The following C1orf216 variants were observed in gnomAD, a reference collection of about 807,000 sequenced individuals.
C1orf216 encodes the protein chromosome 1 open reading frame 216, also known as UPF0500 protein C1orf216.
Under a neutral mutation model 16.4 loss-of-function variants are expected in C1orf216, and 18 were observed. The ratio of observed to expected loss-of-function variants is 1.10; its 90% CI spans 0.76 to 1.63. The LOEUF (loss-of-function observed/expected upper bound fraction) is 1.63. Among genes scored for constraint, C1orf216 ranks in the 40% most tolerant of loss-of-function variants. The pLI, the probability that C1orf216 is intolerant of heterozygous loss-of-function variation, is 0.00. For missense variants in C1orf216, 271 were observed against 297.6 expected (o/e 0.91, Z 0.66); for synonymous variants, 115 against 116.9 (o/e 0.98, Z 0.11).
At position 35,716,021 on chromosome 1, in the gene C1orf216, C is replaced by G; in HGVS notation, c.301G>C (p.Ala101Pro). The G allele has an allele frequency of 6.2e-7, 1 of 1,614,110 alleles. No homozygotes were observed. The highest frequency in any genetic ancestry group is 8.5e-7 in the Non-Finnish European group (1 of 1,180,038). Residue 101 changes from alanine to proline, a missense_variant, in exon 2 of 2, where the codon GCT becomes CCT. By Grantham distance (27) the Ala-to-Pro change is conservative (BLOSUM62 -1). Around this residue, in one of 3 missense-constraint regions of C1orf216, gnomAD observed 220 missense variants for 227.8 expected, o/e 0.97. Coordinates refer to ENST00000270815, the MANE Select transcript of C1orf216 (RefSeq NM_152374.2). ...PGAEPEKMGG[A>P]GTVCSPLEDN... is the part of the protein sequence containing the mutation. The stretch of plus-strand genomic sequence containing the variant: ...TCCAGAGGGGAGCAGACTGTGCCAG[C>G]ACCACCCATCTTCTCAGGCTCAGCC...
Position 35,715,648 on chromosome 1 carries a change from G to C in C1orf216, c.674C>G (p.Pro225Arg). Residue 225 changes from proline to arginine, a missense_variant, in exon 2 of 2, where the codon CCC (proline) becomes CGC (arginine). Pro to Arg is a moderately radical substitution (Grantham distance 103). Around this residue, in one of 3 missense-constraint regions of C1orf216, gnomAD observed 220 missense variants for 227.8 expected, o/e 0.97. Coordinates refer to ENST00000270815, the MANE Select transcript of C1orf216 (RefSeq NM_152374.2). The surrounding 1 kb of genome is among the most constrained non-coding windows in gnomAD (Gnocchi z 4.3). ...GGCACACCCTTAGGCCTGGTCCTGGGGCCTGGATGGTGCTGCCCTCTGCTG... is the reference window on the plus strand; with the variant it reads ...GGCACACCCTTAGGCCTGGTCCTGGCGCCTGGATGGTGCTGCCCTCTGCTG... ...CLQQRAAPSR[P>R]QDQA 6.2e-7 allele frequency: 1 copy of C among 1,613,458 alleles called. No homozygotes were observed. Among genetic ancestry groups the C allele is most frequent in the Non-Finnish European group, 8.5e-7 (1 of 1,179,610 alleles).
At chr1:35,718,516 G>GAA (rs1640987836) in intron 1 of C1orf216, among the ~76,000 whole-genome samples, 191 bp downstream of exon 1, 2 of 152,162 alleles carry the variant, frequency 1.3e-5, no homozygotes, top group Admixed American at 6.5e-5. Context: ...TGAGAACCCC[G>GAA]ACACGCCAGG....
In C1orf216 at chr1:35,715,808, A is replaced by G. The variant is rs564414390; in HGVS notation, c.514T>C (p.Leu172=). The part of the protein sequence containing the change: ...EQEKEKHHVH[L]VMYRRLALLQ... ...AGTGCCAGGCGACGGTACATCACCA[A>G]GTGCACGTGGTGCTTTTCCTTCTCC... is the stretch of plus-strand genomic sequence containing the variant. Residue 172 remains leucine, a synonymous_variant, in exon 2 of 2, where the codon TTG becomes CTG. Transcript: ENST00000270815. The surrounding 1 kb of genome is among the most constrained non-coding windows in gnomAD (Gnocchi z 4.3). 6.8e-6 allele frequency: 11 copies of G among 1,614,208 alleles called. No individual in the cohort carries two copies. The South Asian group carries it at 8.8e-5, about 13-fold the overall frequency.
rs1640934742 is a variant in C1orf216 at position 35,715,424 on chromosome 1, T to C, written c.*208A>G. On this transcript the variant is annotated 3_prime_UTR_variant, in exon 2 of 2. Coordinates refer to ENST00000270815, the MANE Select transcript of C1orf216 (RefSeq NM_152374.2). This position sits in a 1 kb window ranked among gnomAD's most constrained non-coding sequence, Gnocchi z 4.3. Reference sequence around the variant, plus strand: ...CTCACATATAGGTCTGCAGATAAATTAGCTGTGTGTACACATGTGCACACA... The same window carrying C: ...CTCACATATAGGTCTGCAGATAAATCAGCTGTGTGTACACATGTGCACACA... 1.7e-6 allele frequency: 1 copy of C among 599,318 alleles called. No homozygotes were observed. The highest frequency in any genetic ancestry group is 2.9e-6 in the Non-Finnish European group (1 of 341,944). 37.1% of individuals were successfully genotyped at this position (599,318 alleles called of 1,614,324 possible).
chr1:35,718,000 C>G (rs1255689794), intron 1 of C1orf216, among the ~76,000 whole-genome samples: 1 of 152,158 alleles, frequency 6.6e-6, no homozygotes, highest in Non-Finnish European at 1.5e-5. Context: ...TCCCCAGTGA[C>G]AAGCTTTTCT....
intron 1 of C1orf216, among the ~76,000 whole-genome samples, chr1:35,717,554 C>T (rs1046384042): frequency 6.6e-6 from 1 of 152,092 alleles, no homozygotes; most frequent in African/African-American, 2.4e-5. Context: ...TCTCTGAAGC[C>T]GTCTTGATAC....
In C1orf216 at chr1:35,714,710, G is replaced by A. The variant is rs1254637416; in HGVS notation, c.*922C>T. 6.6e-6 allele frequency: 1 copy of A among 152,314 alleles called. No individual in the cohort carries two copies. Among genetic ancestry groups the A allele is most frequent in the East Asian group, 1.9e-4 (1 of 5,198 alleles). 9.4% of individuals were successfully genotyped at this position (152,314 alleles called of 1,614,324 possible). On this transcript the variant is annotated 3_prime_UTR_variant, in exon 2 of 2. Coordinates refer to ENST00000270815, the MANE Select transcript of C1orf216 (RefSeq NM_152374.2). Reference sequence around the variant, plus strand: ...CCCATCTCCCATGTGCCCAAAGGCAGAGTTCAAGAGGGACAGTCCCCTATG... The same window carrying A: ...CCCATCTCCCATGTGCCCAAAGGCAAAGTTCAAGAGGGACAGTCCCCTATG...
In C1orf216 at chr1:35,714,296, G is replaced by T. The variant is rs965952781; in HGVS notation, c.*1336C>A. ...TGAAGGGCCATGCAGTGAAAGAAGG[G>T]GTTAAAATTCAGCATCCTAAGCATC... is the stretch of plus-strand genomic sequence containing the variant. On this transcript the variant is annotated 3_prime_UTR_variant, in exon 2 of 2. Coordinates refer to ENST00000270815, the MANE Select transcript of C1orf216 (RefSeq NM_152374.2). 1 of 152,182 alleles carries T rather than the reference G, an allele frequency of 6.6e-6. No individual in the cohort carries two copies. The highest frequency in any genetic ancestry group is 1.5e-5 in the Non-Finnish European group (1 of 68,046). 9.4% of individuals were successfully genotyped at this position (152,182 alleles called of 1,614,324 possible).
rs138142307 is a variant in C1orf216, at chr1:35,716,271, G to A, written c.51C>T (p.Asp17=). The change falls in exon 2 of 2, where the codon GAC becomes GAT. Residue 17 remains aspartate (D), a synonymous_variant. Transcript: ENST00000270815. ...CGGGCTGACATAATCCAGGAGGTGG[G>A]TCCCCCAGGAATTGGCCCCCCTCAG... ...GLAEGGQFLG[D]PPPGLCQPEL... The A allele has an allele frequency of 6.2e-7, 1 of 1,614,060 alleles. No homozygotes were observed. The highest frequency in any genetic ancestry group is 8.5e-7 in the Non-Finnish European group (1 of 1,179,994).
chr1:35,716,600 G>A (rs1473051089), intron 1 of C1orf216: 1 of 472,856 alleles, frequency 2.1e-6, no homozygotes, highest in Non-Finnish European at 3.8e-6. Flanking sequence ...CTCATTCTCT[G>A]CTGTAGCTTC....
At position 35,714,635 on chromosome 1, in the gene C1orf216, T is replaced by C. The variant is rs1324817931; in HGVS notation, c.*997A>G. On this transcript the variant is annotated 3_prime_UTR_variant, in exon 2 of 2. Transcript: ENST00000270815. ...TGTTTGGGAACTGGTATTTTAGAAT[T>C]CCCATTCTCCTATTCTTCACAGGGT... The C allele has an allele frequency of 1.3e-5, 2 of 152,244 alleles. No individual in the cohort carries two copies. Among genetic ancestry groups the C allele is most frequent in the Non-Finnish European group, 2.9e-5 (2 of 68,048 alleles). The allele number at this position is 152,244 out of a possible 1,614,324, so 9.4% of individuals were successfully genotyped here. A position where few individuals can be genotyped will look rare whatever the true frequency, so the allele number is the denominator to read the frequency against.
rs1640923289 is a variant in C1orf216, at chr1:35,714,687, C to T, written c.*945G>A. On this transcript the variant is annotated 3_prime_UTR_variant, in exon 2 of 2. Coordinates refer to ENST00000270815, the MANE Select transcript of C1orf216 (RefSeq NM_152374.2). ...CCACTGTTATCATCTTTCCTGTCCC[C>T]ATCTCCCATGTGCCCAAAGGCAGAG... The T allele has an allele frequency of 6.6e-6, 1 of 152,262 alleles. No individual in the cohort carries two copies. The highest frequency in any genetic ancestry group is 2.1e-4 in the South Asian group (1 of 4,836). The allele number at this position is 152,262 out of a possible 1,614,324, so 9.4% of individuals were successfully genotyped here. A position where few individuals can be genotyped will look rare whatever the true frequency, so the allele number is the denominator to read the frequency against.
Position 35,716,269 on chromosome 1 carries a change from G to A in C1orf216, c.53C>T (p.Pro18Leu). ...CTCGGGCTGACATAATCCAGGAGGT[G>A]GGTCCCCCAGGAATTGGCCCCCCTC... ...LAEGGQFLGDPPPGLCQPELQ... is the reference protein window; with the variant it reads ...LAEGGQFLGDLPPGLCQPELQ... Residue 18 changes from proline (P) to leucine (L), a missense_variant, in exon 2 of 2, where the codon CCA becomes CTA. Around this residue, in one of 3 missense-constraint regions of C1orf216, gnomAD observed 44 missense variants for 46.0 expected, o/e 0.96. Transcript: ENST00000270815. The A allele has an allele frequency of 6.2e-7, 1 of 1,614,194 alleles. No homozygotes were observed. The highest frequency in any genetic ancestry group is 1.1e-5 in the South Asian group (1 of 91,074).
chr1:35,718,507 G>A (rs1468778937), intron 1 of C1orf216, among the ~76,000 whole-genome samples, 200 bp downstream of exon 1: 3 of 152,172 alleles, frequency 2.0e-5, no homozygotes, highest in Admixed American at 6.5e-5. Flanking sequence ...ATAGTAAAAT[G>A]AGAACCCCGA....
chr1:35,716,528 G>T, intron 1 of C1orf216: 1 of 591,478 alleles, frequency 1.7e-6, no homozygotes, highest in Admixed American at 3.2e-5. Flanking sequence ...CCTGCAAAGG[G>T]TTTTTCCTCC....
chr1:35,718,072 G>A (rs557978285), intron 1 of C1orf216, among the ~76,000 whole-genome samples: 4 of 152,194 alleles, frequency 2.6e-5, no homozygotes, highest in African/African-American at 7.2e-5. Flanking sequence ...TGCGGTCCCC[G>A]TCCCTAGCTT....
intron 1 of C1orf216, among the ~76,000 whole-genome samples, chr1:35,718,147 T>G (rs556613064): frequency 6.6e-6 from 1 of 152,138 alleles, no homozygotes; most frequent in Non-Finnish European, 1.5e-5. Flanking sequence ...ATAACCTGCT[T>G]CTAACCAAAA....
rs3795501 is a variant in C1orf216 at position 35,715,371 on chromosome 1, C to T, written c.*261G>A. On this transcript the variant is annotated 3_prime_UTR_variant, in exon 2 of 2. Transcript: ENST00000270815. This position sits in a 1 kb window ranked among gnomAD's most constrained non-coding sequence, Gnocchi z 4.3. ...GAGTTCCTCATTCTTACATACTACA[C>T]ACACACACATATGTTCACTCTTACA... The T allele has an allele frequency of 0.09, 47,780 of 528,172 alleles. 10,037 individuals are homozygous for T. The highest frequency in any genetic ancestry group is 0.72 in the East Asian group (22,010 of 30,526). 32.7% of individuals were successfully genotyped at this position (528,172 alleles called of 1,614,324 possible).
At position 35,715,998 on chromosome 1, in the gene C1orf216, C is replaced by T. The variant is rs767388362; in HGVS notation, c.324G>A (p.Leu108=). 1 of 1,614,106 alleles carries T rather than the reference C, an allele frequency of 6.2e-7. No homozygotes were observed. The highest frequency in any genetic ancestry group is 1.1e-5 in the South Asian group (1 of 91,084). Residue 108 remains leucine, a synonymous_variant, in exon 2 of 2, where the codon CTG becomes CTA. Transcript: ENST00000270815. The surrounding 1 kb of genome is among the most constrained non-coding windows in gnomAD (Gnocchi z 4.3). ...MGGAGTVCSP[L]EDNGYASSSL... ...AACTGCTGGCATAGCCGTTGTCCTC[C>T]AGAGGGGAGCAGACTGTGCCAGCAC...
Sources: gnomAD v4.1 joint callset for allele counts (sites outside exome capture counted in the v4.1 genomes callset) on GRCh38, gnomAD v4.1.1 for gene constraint, gnomAD v4.1.1 regional missense constraint, Gnocchi (gnomAD v3.1) non-coding constraint, MANE v1.5 for transcripts, NCBI Gene and HGNC (gene_info 2026-07-23, HGNC 2026-07-21) for gene names.